Variants in KCNJ16 observed in about 807,000 individuals in gnomAD.
KCNJ16 encodes the protein inward rectifier potassium channel 16.
A neutral mutation model predicts 18.5 loss-of-function variants in KCNJ16; 15 were observed. That is an observed-to-expected ratio of 0.81 (90% confidence interval 0.54 to 1.25). The LOEUF (loss-of-function observed/expected upper bound fraction) is 1.25. Ranked by LOEUF, KCNJ16 falls within the 50% of genes most tolerant of loss-of-function variation. The pLI, the probability that KCNJ16 is intolerant of heterozygous loss-of-function variation, is 0.00. For missense variants in KCNJ16, 523 were observed against 525.7 expected, an observed-to-expected ratio of 0.99 and a Z score of 0.05; for synonymous variants, 174 against 186.5, an observed-to-expected ratio of 0.93 and a Z score of 0.55.
At chr17:70,095,150 T>C (rs1253674231) in intron 1 of KCNJ16, among the ~76,000 whole-genome samples, 4 of 152,266 alleles carry the variant, frequency 2.6e-5, no homozygotes, top group South Asian at 4.1e-4. Flanking sequence ...GTGTGGGCTA[T>C]AGGCTTAAGA....
chr17:70,090,482 T>A lies in KCNJ16; in HGVS notation c.-299-10176T>A, dbSNP rs75765516. Among the ~76,000 whole-genome samples the A allele has an allele frequency of 5.2e-4, 79 of 152,300 alleles. 3 individuals are homozygous for A. In the East Asian group the frequency reaches 0.013, roughly 25 times the overall value. ...TTATGAGCCTCATTCTGGCACAGAG[T>A]CCTACTTACAGAATGTGTTGCCAAT... On this transcript the variant is annotated intron_variant, in intron 1 of 3. Coordinates refer to ENST00000392671, the MANE Select transcript of KCNJ16 (RefSeq NM_170741.4).
intron 2 of KCNJ16, 95 bp downstream of exon 2, chr17:70,100,861 C>T (rs1227424826): frequency 6.6e-6 from 1 of 152,194 alleles, no homozygotes; most frequent in Non-Finnish European, 1.5e-5. Flanking sequence ...ACGCATTTTT[C>T]CAGAAGTCCA....
chr17:70,124,255 C>T (rs1229141103), intron 2 of KCNJ16, among the ~76,000 whole-genome samples: 1 of 152,168 alleles, frequency 6.6e-6, no homozygotes, highest in Non-Finnish European at 1.5e-5. Flanking sequence ...AGGCCCTTCT[C>T]CATAGTATCA....
intron 1 of KCNJ16, among the ~76,000 whole-genome samples, chr17:70,075,904 A>G (rs956311443): frequency 8.5e-5 from 13 of 152,076 alleles, no homozygotes; most frequent in South Asian, 4.1e-4. Context: ...TTCTAGATTT[A>G]TTTTAACATA....
At chr17:70,088,980 T>G (rs2071963654) in intron 1 of KCNJ16, among the ~76,000 whole-genome samples, 1 of 152,188 alleles carries the variant, frequency 6.6e-6, no homozygotes, top group Non-Finnish European at 1.5e-5. Flanking sequence ...CAAATTCGAT[T>G]TTAAAACTTA....
At chr17:70,098,275 G>T (rs1246491288) in intron 1 of KCNJ16, among the ~76,000 whole-genome samples, 6 of 152,128 alleles carry the variant, frequency 3.9e-5, no homozygotes, top group African/African-American at 1.4e-4. Flanking sequence ...ACTGCAGAAT[G>T]GATTCACTGG....
Position 70,132,939 on chromosome 17 carries a change from T to A in KCNJ16, c.852T>A (p.Tyr284Ter). The A allele has an allele frequency of 6.2e-7, 1 of 1,614,214 alleles. No individual in the cohort carries two copies. The change falls in exon 4 of 4, where the codon TAT becomes TAA. Residue 284 changes from tyrosine (Y) to a stop codon, truncating the protein, a stop_gained. Coordinates refer to ENST00000392671, the MANE Select transcript of KCNJ16 (RefSeq NM_170741.4). LOFTEE classifies it high-confidence loss of function. ...DNFEILVTFI[Y>*]TGDSTGTSHQ... Reference sequence around the variant, plus strand: ...TTGAGATTTTGGTGACATTTATCTATACTGGTGATTCCACTGGAACATCTC... The same window carrying A: ...TTGAGATTTTGGTGACATTTATCTAAACTGGTGATTCCACTGGAACATCTC...
chr17:70,083,565 G>C (rs1275902113), intron 1 of KCNJ16, among the ~76,000 whole-genome samples: 1 of 152,024 alleles, frequency 6.6e-6, no homozygotes, highest in Non-Finnish European at 1.5e-5. Context: ...GTCACATGCT[G>C]TACAGGCTTG....
At chr17:70,077,138 G>A (rs1470392935) in intron 1 of KCNJ16, among the ~76,000 whole-genome samples, 1 of 152,228 alleles carries the variant, frequency 6.6e-6, no homozygotes, top group African/African-American at 2.4e-5. Flanking sequence ...ACAGCAAAGA[G>A]GCCAGTGTGG....
intron 1 of KCNJ16, among the ~76,000 whole-genome samples, chr17:70,084,835 A>G (rs1490532863): frequency 1.3e-5 from 2 of 152,160 alleles, no homozygotes; most frequent in Non-Finnish European, 2.9e-5. Context: ...ACTAATAATA[A>G]TAATAATAAA....
intron 2 of KCNJ16, among the ~76,000 whole-genome samples, chr17:70,120,884 G>T (rs1276507859): frequency 6.6e-6 from 1 of 152,168 alleles, no homozygotes; most frequent in Admixed American, 6.5e-5. Flanking sequence ...CATTTATCAA[G>T]TGCATTTTCT....
At position 70,132,976 on chromosome 17, in the gene KCNJ16, A is replaced by T. The variant is rs201278174; in HGVS notation, c.889A>T (p.Ser297Cys). The change falls in exon 4 of 4, where the codon AGC becomes TGC. Residue 297 changes from serine to cysteine, a missense_variant. Physicochemically the swap from Ser to Cys is moderately radical, Grantham distance 112. Transcript: ENST00000392671. The part of the protein sequence containing the change: ...DSTGTSHQSR[S>C]SYVPREILWG... ...CACTGGAACATCTCACCAATCTAGA[A>T]GCTCCTATGTTCCCCGAGAAATTCT... 1 of 1,614,200 alleles carries T rather than the reference A, an allele frequency of 6.2e-7. No individual in the cohort carries two copies. The highest frequency in any genetic ancestry group is 1.3e-5 in the African/African-American group (1 of 75,052).
intron 1 of KCNJ16, among the ~76,000 whole-genome samples, chr17:70,096,299 A>G (rs1447507856): frequency 6.6e-6 from 1 of 152,076 alleles, no homozygotes; most frequent in African/African-American, 2.4e-5. Context: ...GTCATATGAC[A>G]TTTGCCTGTG....
intron 1 of KCNJ16, among the ~76,000 whole-genome samples, chr17:70,077,678 T>G (rs1383887929): frequency 1.3e-5 from 2 of 151,334 alleles, no homozygotes; most frequent in Non-Finnish European, 2.9e-5. Context: ...GGCTGTGTTT[T>G]TTTTTTTTGT....
intron 1 of KCNJ16, among the ~76,000 whole-genome samples, chr17:70,092,612 T>TG (rs2072176094): frequency 6.7e-6 from 1 of 149,624 alleles, no homozygotes; most frequent in Non-Finnish European, 1.5e-5. Flanking sequence ...GATAGATAGA[T>TG]GAGATTCATA....
chr17:70,127,978 A>G (rs1598181044), intron 2 of KCNJ16: 1 of 152,196 alleles, frequency 6.6e-6, no homozygotes, highest in East Asian at 1.9e-4. Context: ...TGCTAGAGGA[A>G]AGATCCAGTT....
At chr17:70,114,379 A>G (rs7212038) in intron 2 of KCNJ16, among the ~76,000 whole-genome samples, 13,049 of 152,158 alleles carry the variant, frequency 0.086, 1,883 homozygotes, top group African/African-American at 0.3. Context: ...AGCAACAGAG[A>G]GACAGGAGTT....
chr17:70,076,561 T>C lies in KCNJ16; in HGVS notation c.-300+1171T>C, dbSNP rs1302828996. Among the ~76,000 whole-genome samples the C allele has an allele frequency of 3.3e-5, 5 of 152,198 alleles. No homozygotes were observed. In the East Asian group the frequency reaches 7.7e-4, roughly 23 times the overall value. On this transcript the variant is annotated intron_variant, in intron 1 of 3. Coordinates refer to ENST00000392671, the MANE Select transcript of KCNJ16 (RefSeq NM_170741.4). The stretch of plus-strand genomic sequence containing the variant: ...GATAAATCTAAGATTATTAGTCTCA[T>C]ATACAACAAGACTGACAACCTTTGA...
chr17:70,114,265 CTG>C (rs2073310694), intron 2 of KCNJ16, among the ~76,000 whole-genome samples: 1 of 152,112 alleles, frequency 6.6e-6, no homozygotes, highest in Admixed American at 6.5e-5. Context: ...TAAATCACAT[CTG>C]TGAGTTCAGT....
Sources: gnomAD v4.1 joint callset for allele counts (sites outside exome capture counted in the v4.1 genomes callset) on GRCh38, gnomAD v4.1.1 for gene constraint, MANE v1.5 for transcripts, NCBI Gene and HGNC (gene_info 2026-07-23, HGNC 2026-07-21) for gene names.